The following ZNF33B variants were observed in gnomAD, a reference collection of about 807,000 sequenced individuals.
ZNF33B encodes zinc finger protein 11b (KOX 2).
ZNF33B carries 29 observed loss-of-function variants against 45.8 expected under a neutral mutation model. That is an observed-to-expected ratio of 0.63 (90% CI 0.47 to 0.86). ZNF33B has a LOEUF of 0.86. Ranked by LOEUF, ZNF33B falls within the 40% of genes least tolerant of loss-of-function variation. The pLI is 0.00. For missense variants in ZNF33B, 831 were observed against 909.9 expected, an observed-to-expected ratio of 0.91 and a Z score of 1.12; for synonymous variants, 305 against 307.8, an observed-to-expected ratio of 0.99 and a Z score of 0.10.
intron 4 of ZNF33B, among the ~76,000 whole-genome samples, chr10:42,628,262 C>T (rs1391055824): frequency 3.3e-5 from 5 of 152,300 alleles, no homozygotes; most frequent in East Asian, 1.9e-4. Flanking sequence ...GCAATCTGCC[C>T]GCCTCGGCTT....
At chr10:42,613,637 A>G (rs1564515057) in intron 4 of ZNF33B, among the ~76,000 whole-genome samples, 2 of 152,218 alleles carry the variant, frequency 1.3e-5, no homozygotes, top group Non-Finnish European at 2.9e-5. Context: ...ACACTGAAGC[A>G]AGGGAAGAAA....
intron 4 of ZNF33B, among the ~76,000 whole-genome samples, chr10:42,610,640 C>T (rs1240380067): frequency 6.6e-6 from 1 of 152,028 alleles, no homozygotes; most frequent in Non-Finnish European, 1.5e-5. Context: ...GTCTGAAAAC[C>T]ACAAAACAAT....
At chr10:42,576,478 G>C (rs1446432599) in intron 1 of ZNF33B, among the ~76,000 whole-genome samples, 1 of 152,178 alleles carries the variant, frequency 6.6e-6, no homozygotes. Flanking sequence ...GCTCAAGATA[G>C]AGTGCAGGCA....
At chr10:42,604,089 A>G (rs1485217402) in intron 4 of ZNF33B, among the ~76,000 whole-genome samples, 1 of 152,232 alleles carries the variant, frequency 6.6e-6, no homozygotes, top group Non-Finnish European at 1.5e-5. Flanking sequence ...AATGGCAGGC[A>G]ACAGCAACTG....
In ZNF33B at chr10:42,592,378, G is replaced by C; in HGVS notation, c.*235C>G. 4 of 647,134 alleles carry C rather than the reference G, an allele frequency of 6.2e-6. No individual in the cohort carries two copies. Among genetic ancestry groups the C allele is most frequent in the Non-Finnish European group, 9.2e-6 (4 of 436,604 alleles). The allele number at this position is 647,134 out of a possible 1,614,324, so 40.1% of individuals were successfully genotyped here. A position where few individuals can be genotyped will look rare whatever the true frequency, so the allele number is the denominator to read the frequency against. On this transcript the variant is annotated 3_prime_UTR_variant, in exon 5 of 5. Coordinates refer to ENST00000359467, the MANE Select transcript of ZNF33B (RefSeq NM_006955.3). ...TCACAAATTCAAAAAAATCTGTGAG[G>C]TTTTATGCCAGTATTAACCATCTGA...
At chr10:42,581,695 TAGATG>T (rs1474474607) in intron 1 of ZNF33B, 3 of 152,088 alleles carry the variant, frequency 2.0e-5, no homozygotes, top group African/African-American at 7.2e-5. Context: ...ATTGAGAGAA[TAGATG>T]AAACAGTTTT....
Position 42,593,902 on chromosome 10 carries a change from C to T in ZNF33B, c.1048G>A (p.Val350Met), listed in dbSNP as rs779178628. The change falls in exon 5 of 5, where the codon GTG becomes ATG. Residue 350 changes from valine (V) to methionine (M), a missense_variant. Coordinates refer to ENST00000359467, the MANE Select transcript of ZNF33B (RefSeq NM_006955.3). ...TGAAAGTGTTTCTCTCCTGTGTGCA[C>T]CCTCTGATGTCGAGTGAGATGTGAC... Reference protein sequence around the residue: ...EKSHLTRHQRVHTGEKHFQCN... With the variant: ...EKSHLTRHQRMHTGEKHFQCN... 1 of 1,614,004 alleles carries T rather than the reference C, an allele frequency of 6.2e-7. No homozygotes were observed. Among genetic ancestry groups the T allele is most frequent in the Non-Finnish European group, 8.5e-7 (1 of 1,179,944 alleles).
At chr10:42,630,243 A>T (rs1195821619) in intron 4 of ZNF33B, among the ~76,000 whole-genome samples, 1 of 152,180 alleles carries the variant, frequency 6.6e-6, no homozygotes, top group East Asian at 1.9e-4. Flanking sequence ...TAGTTTCAAA[A>T]GATACAGAAT....
intron 1 of ZNF33B, among the ~76,000 whole-genome samples, chr10:42,578,284 G>A (rs1320749373): frequency 2.0e-5 from 3 of 152,200 alleles, no homozygotes; most frequent in Non-Finnish European, 4.4e-5. Context: ...GTTTCTCCAC[G>A]GTCTGGAGGG....
chr10:42,630,472 G>C (rs1589071432), intron 4 of ZNF33B, among the ~76,000 whole-genome samples: 1 of 152,152 alleles, frequency 6.6e-6, no homozygotes, highest in Admixed American at 6.5e-5. Flanking sequence ...TCAGACTCGG[G>C]AATGTGCAGT....
At chr10:42,598,122 G>T (rs1589030733) in intron 4 of ZNF33B, among the ~76,000 whole-genome samples, 1 of 149,692 alleles carries the variant, frequency 6.7e-6, no homozygotes, top group East Asian at 2.0e-4. Context: ...TGTTGCAGCA[G>T]TTCTTAACAC....
In ZNF33B at chr10:42,594,084, G is replaced by A; in HGVS notation, c.866C>T (p.Thr289Ile). ...DCEKFLCVKS[T>I]LSKHDGVPVK... The stretch of plus-strand genomic sequence containing the variant: ...AGGTACCCCATCATGTTTAGAAAGG[G>A]TGGACTTCACACATAAGAACTTCTC... Residue 289 changes from threonine to isoleucine, a missense_variant, in exon 5 of 5, where the codon ACC becomes ATC. Transcript: ENST00000359467. 6.2e-7 allele frequency: 1 copy of A among 1,614,014 alleles called. No homozygotes were observed. Among genetic ancestry groups the A allele is most frequent in the Admixed American group, 1.7e-5 (1 of 60,000 alleles).
rs376232928 is a variant in ZNF33B at position 42,599,332 on chromosome 10, T to C, written c.251-4633A>G. On this transcript the variant is annotated intron_variant, in intron 4 of 4. Transcript: ENST00000359467. Reference sequence around the variant, plus strand: ...TCCATTTTGTTTTTTATTATTTCCTTTCTTCTACTATTATATGGATTTGTC... The same window carrying C: ...TCCATTTTGTTTTTTATTATTTCCTCTCTTCTACTATTATATGGATTTGTC... Among the ~76,000 whole-genome samples, 7 of 152,092 alleles carry C rather than the reference T, an allele frequency of 4.6e-5. No individual in the cohort carries two copies. In the East Asian group the frequency reaches 1.3e-3, roughly 29 times the overall value.
intron 4 of ZNF33B, among the ~76,000 whole-genome samples, chr10:42,627,139 G>GGGGA (rs1027367962): frequency 7.0e-6 from 1 of 143,698 alleles, no homozygotes; most frequent in African/African-American, 2.5e-5. Context: ...GAGTAGCTGG[G>GGGGA]ATTACAGGCG....
rs1310672602 is a variant in ZNF33B at position 42,593,840 on chromosome 10, T to C, written c.1110A>G (p.Ser370=). 3 of 1,614,136 alleles carry C rather than the reference T, an allele frequency of 1.9e-6. No homozygotes were observed. Among genetic ancestry groups the C allele is most frequent in the Non-Finnish European group, 2.5e-6 (3 of 1,179,974 alleles). The change falls in exon 5 of 5, where the codon TCA becomes TCG. Residue 370 remains serine (S), a synonymous_variant. Coordinates refer to ENST00000359467, the MANE Select transcript of ZNF33B (RefSeq NM_006955.3). ...NQCGKTFWEK[S]NLTKHQRSHT... is the part of the protein sequence containing the mutation. The stretch of plus-strand genomic sequence containing the variant: ...GTGATCTCTGATGTTTAGTGAGGTT[T>C]GACTTCTCCCAGAAAGTTTTTCCAC...
intron 3 of ZNF33B, 133 bp from the exon 4 acceptor site, chr10:42,632,157 T>C: frequency 6.8e-7 from 1 of 1,477,330 alleles, no homozygotes; most frequent in Non-Finnish European, 9.3e-7. Flanking sequence ...CACAAGTATC[T>C]TCTGGTGCTC....
downstream of ZNF33B, among the ~76,000 whole-genome samples, chr10:42,588,244 A>T (rs1836977244): frequency 6.6e-6 from 1 of 152,196 alleles, no homozygotes; most frequent in Admixed American, 6.5e-5. Flanking sequence ...AGCCAATGGG[A>T]GAGCACTCTT....
At chr10:42,575,825 G>A (rs1185141917) in intron 1 of ZNF33B, among the ~76,000 whole-genome samples, 2 of 151,070 alleles carry the variant, frequency 1.3e-5, no homozygotes, top group African/African-American at 2.4e-5. Context: ...CTGCTTCAGG[G>A]CTCAAGCGAT....
Position 42,590,903 on chromosome 10 carries a change from C to T in ZNF33B, c.*1710G>A, listed in dbSNP as rs995427216. ...TTTATTGATTTTCTCTTTTCAATTT[C>T]ACTGATTTTTACTCTAATTTTTTTC... On this transcript the variant is annotated 3_prime_UTR_variant, in exon 5 of 5. Coordinates refer to ENST00000359467, the MANE Select transcript of ZNF33B (RefSeq NM_006955.3). 1 of 152,790 alleles carries T rather than the reference C, an allele frequency of 6.5e-6. No homozygotes were observed. The highest frequency in any genetic ancestry group is 2.4e-5 in the African/African-American group (1 of 41,424). 9.5% of individuals were successfully genotyped at this position (152,790 alleles called of 1,614,324 possible). A position where few individuals can be genotyped will look rare whatever the true frequency, so the allele number is the denominator to read the frequency against.
Sources: gnomAD v4.1 joint callset for allele counts (sites outside exome capture counted in the v4.1 genomes callset) on GRCh38, gnomAD v4.1.1 for gene constraint, MANE v1.5 for transcripts, NCBI Gene and HGNC (gene_info 2026-07-23, HGNC 2026-07-21) for gene names.